Variants in DBF4 observed in about 807,000 individuals in gnomAD.
DBF4 encodes the protein protein DBF4 homolog A.
A neutral mutation model predicts 76.6 loss-of-function variants in DBF4; 25 were observed. That is an observed-to-expected ratio of 0.33 (90% CI 0.24 to 0.46). The LOEUF (loss-of-function observed/expected upper bound fraction) is 0.46. Ranked by LOEUF, DBF4 falls within the 20% of genes least tolerant of loss-of-function variation. The probability of loss-of-function intolerance (pLI) is 1.00; values close to 1 mark genes in which losing one functional copy is unlikely to be tolerated. For synonymous variants in DBF4, 213 were observed against 258.0 expected, an observed-to-expected ratio of 0.83 and a Z score of 1.67; for missense variants, 638 against 760.8, an observed-to-expected ratio of 0.84 and a Z score of 1.90.
chr7:87,900,880 T>C lies in DBF4; in HGVS notation c.924+2T>C. 6.2e-7 allele frequency: 1 copy of C among 1,607,140 alleles called. No individual in the cohort carries two copies. Among genetic ancestry groups the C allele is most frequent in the Non-Finnish European group, 8.5e-7 (1 of 1,175,942 alleles). On this transcript the variant is annotated splice_donor_variant, in intron 10 of 11. Transcript: ENST00000265728. LOFTEE classifies it high-confidence loss of function. ...CAGAAATATGAAGATCTAGAAACTG[T>C]AAATGTGATTTTATATTTTGGGGGC...
At chr7:87,887,833 A>G in intron 5 of DBF4, 150 bp from the exon 6 acceptor site, 4 of 745,288 alleles carry the variant, frequency 5.4e-6, no homozygotes, top group African/African-American at 1.9e-5. Context: ...AAATTTCAAC[A>G]TGAGTTTTAG....
At chr7:87,904,527 G>C in intron 11 of DBF4, 111 bp downstream of exon 11, 1 of 1,312,570 alleles carries the variant, frequency 7.6e-7, no homozygotes, top group South Asian at 1.3e-5. Flanking sequence ...ATCACTTGAG[G>C]TCAGGAGTTC....
intron 2 of DBF4, 74 bp from the exon 3 acceptor site, chr7:87,884,905 C>G (rs1184649932): frequency 6.8e-6 from 8 of 1,181,286 alleles, no homozygotes; most frequent in Admixed American, 4.5e-5. Context: ...CCACTGCACT[C>G]TAGCCTGGAT....
intron 6 of DBF4, among the ~76,000 whole-genome samples, chr7:87,893,108 C>T (rs1262233947): frequency 6.6e-6 from 1 of 152,086 alleles, no homozygotes; most frequent in Non-Finnish European, 1.5e-5. Flanking sequence ...TTGTTCTGTC[C>T]ACTACTGAGA....
chr7:87,882,996 T>C (rs1220054706), intron 2 of DBF4, among the ~76,000 whole-genome samples: 1 of 152,186 alleles, frequency 6.6e-6, no homozygotes. Context: ...CAAAGATATT[T>C]ATTATTCACA....
chr7:87,888,310 C>G (rs1310954609), intron 6 of DBF4: 2 of 984,948 alleles, frequency 2.0e-6, no homozygotes, highest in Non-Finnish European at 1.2e-6. Context: ...GTAACAGGTA[C>G]TTTTATTTAT....
intron 4 of DBF4, 119 bp downstream of exon 4, chr7:87,887,013 C>A: frequency 1.4e-6 from 1 of 695,278 alleles, no homozygotes; most frequent in Non-Finnish European, 2.4e-6. Context: ...TGAATCTCAG[C>A]ATATATTTTA....
chr7:87,883,082 G>T (rs1412415569), intron 2 of DBF4, among the ~76,000 whole-genome samples: 2 of 152,084 alleles, frequency 1.3e-5, no homozygotes, highest in Middle Eastern at 3.2e-3. Flanking sequence ...ACATACAATA[G>T]AATATTATTC....
intron 10 of DBF4, 128 bp from the exon 11 acceptor site, chr7:87,904,164 T>G (rs955309768): frequency 3.5e-5 from 31 of 874,314 alleles, no homozygotes; most frequent in Middle Eastern, 3.6e-4. Flanking sequence ...TAGTAAAGGG[T>G]ATTATCTTTG....
chr7:87,888,363 C>G, intron 6 of DBF4: 1 of 953,526 alleles, frequency 1.0e-6, no homozygotes. Context: ...TATAAACGTT[C>G]CTAATGTAAG....
At chr7:87,900,929 G>T in intron 10 of DBF4, 51 bp downstream of exon 10, 1 of 1,431,906 alleles carries the variant, frequency 7.0e-7, no homozygotes, top group East Asian at 2.3e-5. Context: ...TGTAATACTT[G>T]TGTTTTAAAT....
intron 8 of DBF4, among the ~76,000 whole-genome samples, chr7:87,898,634 A>AT (rs1839696128): frequency 6.6e-6 from 1 of 151,952 alleles, no homozygotes; most frequent in Admixed American, 6.6e-5. Context: ...TACTAAAAAT[A>AT]TAAAAAATTA....
At chr7:87,877,975 G>A in intron 1 of DBF4, 78 bp from the exon 2 acceptor site, 1 of 1,138,930 alleles carries the variant, frequency 8.8e-7, no homozygotes, top group Non-Finnish European at 1.2e-6. Context: ...TTTTTATTCT[G>A]TAATATTGTA....
chr7:87,894,672 A>C (rs1839586329), intron 6 of DBF4, among the ~76,000 whole-genome samples: 2 of 152,152 alleles, frequency 1.3e-5, no homozygotes, highest in Non-Finnish European at 2.9e-5. Flanking sequence ...TCATATCTTT[A>C]CTGGAAAAAG....
In DBF4 at chr7:87,885,150, C is replaced by G. The variant is rs1839313553; in HGVS notation, c.391C>G (p.Pro131Ala). 1 of 1,607,384 alleles carries G rather than the reference C, an allele frequency of 6.2e-7. No individual in the cohort carries two copies. Among genetic ancestry groups the G allele is most frequent in the Admixed American group, 1.7e-5 (1 of 59,120 alleles). ...CCATGATGGAAGTTCATTTAAGTCACCAGACACAGTAAGTCTCTTAAATAT... is the reference window on the plus strand; with the variant it reads ...CCATGATGGAAGTTCATTTAAGTCAGCAGACACAGTAAGTCTCTTAAATAT... ...PSHDGSSFKS[P>A]DTVCLSRGKL... The change falls in exon 3 of 12, where the codon CCA becomes GCA. Residue 131 changes from proline to alanine, a missense_variant. Physicochemically the swap from Pro to Ala is conservative, Grantham distance 27. Transcript: ENST00000265728.
chr7:87,894,434 G>A (rs1196446805), intron 6 of DBF4, among the ~76,000 whole-genome samples: 1 of 152,000 alleles, frequency 6.6e-6, no homozygotes, highest in Non-Finnish European at 1.5e-5. Context: ...CTTGCGACAG[G>A]GCAAGACCCT....
chr7:87,898,635 T>TA (rs1466935959), intron 8 of DBF4, among the ~76,000 whole-genome samples: 13 of 151,268 alleles, frequency 8.6e-5, no homozygotes, highest in East Asian at 7.8e-4. Flanking sequence ...ACTAAAAATA[T>TA]AAAAAATTAG....
chr7:87,891,716 G>A (rs1366042078), intron 6 of DBF4, among the ~76,000 whole-genome samples: 2 of 151,986 alleles, frequency 1.3e-5, no homozygotes, highest in Admixed American at 6.6e-5. Flanking sequence ...ATATTTTCAA[G>A]GAAACAGCCT....
intron 6 of DBF4, chr7:87,888,276 GC>G: frequency 3.0e-6 from 3 of 984,716 alleles, no homozygotes; most frequent in Non-Finnish European, 3.6e-6. Context: ...CGCTTCCTCA[GC>G]CCCCTTTTGT....
Sources: gnomAD v4.1 joint callset for allele counts (sites outside exome capture counted in the v4.1 genomes callset) on GRCh38, gnomAD v4.1.1 for gene constraint, MANE v1.5 for transcripts, NCBI Gene and HGNC (gene_info 2026-07-23, HGNC 2026-07-21) for gene names.